Variants in RASSF2 observed in about 807,000 individuals in gnomAD.
RASSF2 encodes the protein Ras association domain family member 2.
Under a neutral mutation model 46.3 loss-of-function variants are expected in RASSF2, and 34 were observed. That is an observed-to-expected ratio of 0.73 (90% CI 0.56 to 0.98). The LOEUF is 0.98. Among genes scored for constraint, RASSF2 ranks in the 50% least tolerant of loss-of-function variants. RASSF2 has a pLI of 0.00. For synonymous variants in RASSF2, 158 were observed against 162.5 expected, an observed-to-expected ratio of 0.97 and a Z score of 0.21; for missense variants, 364 against 431.2, an observed-to-expected ratio of 0.84 and a Z score of 1.38.
chr20:4,823,331 C>T (rs563501328), intron 1 of RASSF2, among the ~76,000 whole-genome samples: 2 of 152,200 alleles, frequency 1.3e-5, no homozygotes, highest in South Asian at 4.1e-4. Context: ...CCCGGGCCAG[C>T]TGCATCGCGC....
At chr20:4,799,115 G>A (rs1273698465) in intron 3 of RASSF2, among the ~76,000 whole-genome samples, 2 of 152,150 alleles carry the variant, frequency 1.3e-5, no homozygotes, top group African/African-American at 4.8e-5. Context: ...GTAGTGACAA[G>A]AAGTGGGCAT....
intron 10 of RASSF2, among the ~76,000 whole-genome samples, chr20:4,786,998 G>A (rs1925410952): frequency 6.6e-6 from 1 of 151,546 alleles, no homozygotes; most frequent in Non-Finnish European, 1.5e-5. Flanking sequence ...CAGGAAAATA[G>A]CTTGAACCAG....
At chr20:4,806,637 A>C (rs529685558) in intron 2 of RASSF2, among the ~76,000 whole-genome samples, 31 of 152,152 alleles carry the variant, frequency 2.0e-4, no homozygotes, top group Non-Finnish European at 3.7e-4. Flanking sequence ...TTATAGAGAC[A>C]GGGTCTTGTT....
At chr20:4,811,017 A>T (rs1436616608) in intron 2 of RASSF2, among the ~76,000 whole-genome samples, 1 of 151,670 alleles carries the variant, frequency 6.6e-6, no homozygotes, top group Non-Finnish European at 1.5e-5. Context: ...TGCTCATGAG[A>T]CTCCCAGAGC....
At chr20:4,814,605 G>A (rs1041164871) in intron 2 of RASSF2, among the ~76,000 whole-genome samples, 3 of 152,140 alleles carry the variant, frequency 2.0e-5, no homozygotes, top group African/African-American at 7.2e-5. Context: ...GCAGTGAGTG[G>A]GAAGAGCAAA....
At position 4,783,051 on chromosome 20, in the gene RASSF2, G is replaced by T. The variant is rs1423292213; in HGVS notation, c.*1222C>A. The T allele has an allele frequency of 6.6e-6, 1 of 152,252 alleles. No individual in the cohort carries two copies. The highest frequency in any genetic ancestry group is 2.4e-5 in the African/African-American group (1 of 41,466). The allele number at this position is 152,252 out of a possible 1,614,324, so 9.4% of individuals were successfully genotyped here. A position where few individuals can be genotyped will look rare whatever the true frequency, so the allele number is the denominator to read the frequency against. ...GGCTGCTCAGAGGAGCTGAGGAGAA[G>T]CTCCATCCTCCCCATGCACCTTCAC... On this transcript the variant is annotated 3_prime_UTR_variant, in exon 12 of 12. Transcript: ENST00000379400.
At chr20:4,821,907 G>A (rs550271157) in intron 2 of RASSF2, among the ~76,000 whole-genome samples, 5 of 152,254 alleles carry the variant, frequency 3.3e-5, no homozygotes, top group East Asian at 1.9e-4. Context: ...AAGCCCCCAC[G>A]CAAGGGTCTC....
In RASSF2 at chr20:4,784,343, C is replaced by T; in HGVS notation, c.912-1G>A. 6.2e-7 allele frequency: 1 copy of T among 1,613,614 alleles called. No homozygotes were observed. The highest frequency in any genetic ancestry group is 1.1e-5 in the South Asian group (1 of 91,056). On this transcript the variant is annotated splice_acceptor_variant, in intron 11 of 11. Coordinates refer to ENST00000379400, the MANE Select transcript of RASSF2 (RefSeq NM_014737.3). LOFTEE classifies it high-confidence loss of function. ...AATCATTAGCCGGAGCACGGTGTAC[C>T]TGGAGACAAGAAACAGGCTCAGATG... is the stretch of plus-strand genomic sequence containing the variant.
chr20:4,816,684 C>G (rs117198531), intron 2 of RASSF2, among the ~76,000 whole-genome samples: 1 of 152,092 alleles, frequency 6.6e-6, no homozygotes, highest in Admixed American at 6.6e-5. Context: ...AGATGAAGAT[C>G]GAAATCTCGC....
At position 4,783,994 on chromosome 20, in the gene RASSF2, C is replaced by A; in HGVS notation, c.*279G>T. 1 of 429,614 alleles carries A rather than the reference C, an allele frequency of 2.3e-6. No individual in the cohort carries two copies. Among genetic ancestry groups the A allele is most frequent in the Non-Finnish European group, 4.3e-6 (1 of 234,010 alleles). The allele number at this position is 429,614 out of a possible 1,614,324, so 26.6% of individuals were successfully genotyped here. Reference sequence around the variant, plus strand: ...AAAGTATCAGGTAGGCACATGGACACGTACCATGTGTGCACACACATGTAC... The same window carrying A: ...AAAGTATCAGGTAGGCACATGGACAAGTACCATGTGTGCACACACATGTAC... On this transcript the variant is annotated 3_prime_UTR_variant, in exon 12 of 12. Coordinates refer to ENST00000379400, the MANE Select transcript of RASSF2 (RefSeq NM_014737.3).
chr20:4,804,785 G>T (rs1427799198), intron 2 of RASSF2, among the ~76,000 whole-genome samples: 1 of 152,140 alleles, frequency 6.6e-6, no homozygotes, highest in Non-Finnish European at 1.5e-5. Context: ...CTTCACGATG[G>T]TGGCTCAGCA....
rs537874837 is a variant in RASSF2, at chr20:4,784,020, A to G, written c.*253T>C. On this transcript the variant is annotated 3_prime_UTR_variant, in exon 12 of 12. Coordinates refer to ENST00000379400, the MANE Select transcript of RASSF2 (RefSeq NM_014737.3). ...GTACCATGTGTGCACACACATGTAC[A>G]CACACACATTTTGGGTCCTCCTTAT... 1 of 541,722 alleles carries G rather than the reference A, an allele frequency of 1.8e-6. No individual in the cohort carries two copies. The highest frequency in any genetic ancestry group is 3.3e-6 in the Non-Finnish European group (1 of 299,600). The allele number at this position is 541,722 out of a possible 1,614,324, so 33.6% of individuals were successfully genotyped here.
At position 4,790,351 on chromosome 20, in the gene RASSF2, T is replaced by C. The variant is rs1443920120; in HGVS notation, c.537+100A>G. 2 of 1,285,722 alleles carry C rather than the reference T, an allele frequency of 1.6e-6. No homozygotes were observed. Among genetic ancestry groups the C allele is most frequent in the Non-Finnish European group, 2.0e-6 (2 of 987,684 alleles). The allele number at this position is 1,285,722 out of a possible 1,614,324, so 79.6% of individuals were successfully genotyped here. ...GACTAAACAGCAGCAAACACTTGGC[T>C]TCCCAGGCATCCACACCACCCACCA... On this transcript the variant is annotated intron_variant, in intron 7 of 11. Coordinates refer to ENST00000379400, the MANE Select transcript of RASSF2 (RefSeq NM_014737.3). The surrounding 1 kb of genome is among the most constrained non-coding windows in gnomAD (Gnocchi z 4.3).
chr20:4,813,164 A>G (rs2423036), intron 2 of RASSF2, among the ~76,000 whole-genome samples: 34,946 of 151,130 alleles, frequency 0.23, 4,104 homozygotes, highest in Admixed American at 0.33. Context: ...TCCCAGAAAA[A>G]CCCCGATGCT....
rs573361131 is a variant in RASSF2, at chr20:4,822,990, C to A, written c.-108+567G>T. On this transcript the variant is annotated intron_variant, in intron 1 of 11. Transcript: ENST00000379400. ...TCGCGGGCTCAAAAAGAAGGAAGGA[C>A]GCCCCCAGGGGTCGTAGAAGGAGGA... 1.7e-3 allele frequency among the ~76,000 whole-genome samples: 257 copies of A among 152,304 alleles called. 3 individuals carry two copies. Among genetic ancestry groups the A allele is most frequent in the Middle Eastern group, 0.014 (4 of 294 alleles).
At position 4,812,426 on chromosome 20, in the gene RASSF2, G is replaced by C. The variant is rs548398455; in HGVS notation, c.-33+9903C>G. Among the ~76,000 whole-genome samples, 1 of 152,342 alleles carries C rather than the reference G, an allele frequency of 6.6e-6. No homozygotes were observed. The highest frequency in any genetic ancestry group is 1.9e-4 in the East Asian group (1 of 5,184). On this transcript the variant is annotated intron_variant, in intron 2 of 11. Transcript: ENST00000379400. This position sits in a 1 kb window ranked among gnomAD's most constrained non-coding sequence, Gnocchi z 4.0. ...TGAGGCTCAAATCCAGGGCGGTGCAGGTGCCAAGCGGAACCCCTGTAGACT... is the reference window on the plus strand; with the variant it reads ...TGAGGCTCAAATCCAGGGCGGTGCACGTGCCAAGCGGAACCCCTGTAGACT...
At chr20:4,788,754 T>A (rs1157597493) in intron 8 of RASSF2, among the ~76,000 whole-genome samples, 1 of 152,256 alleles carries the variant, frequency 6.6e-6, no homozygotes, top group East Asian at 1.9e-4. Context: ...CTGTCGTATA[T>A]GTGGTGCATC....
At chr20:4,806,539 G>T (rs1418989192) in intron 2 of RASSF2, among the ~76,000 whole-genome samples, 3 of 152,158 alleles carry the variant, frequency 2.0e-5, no homozygotes, top group Non-Finnish European at 4.4e-5. Context: ...CAAACTCCTG[G>T]CCTCAAGCGA....
Position 4,813,228 on chromosome 20 carries a change from G to A in RASSF2, c.-33+9101C>T, listed in dbSNP as rs568436320. Among the ~76,000 whole-genome samples the A allele has an allele frequency of 4.7e-4, 72 of 152,198 alleles. 1 individual carries two copies. The highest frequency in any genetic ancestry group is 6.8e-3 in the Middle Eastern group (2 of 294). ...GGCAAGCTACCGCACTCCCATCCCC[G>A]GAGCTGCCCCTGCCTGGCCCACCGA... On this transcript the variant is annotated intron_variant, in intron 2 of 11. Transcript: ENST00000379400.
Sources: gnomAD v4.1 joint callset for allele counts (sites outside exome capture counted in the v4.1 genomes callset) on GRCh38, gnomAD v4.1.1 for gene constraint, Gnocchi (gnomAD v3.1) non-coding constraint, MANE v1.5 for transcripts, NCBI Gene and HGNC (gene_info 2026-07-23, HGNC 2026-07-21) for gene names.